The following UGT1A6 variants were observed in gnomAD, a reference collection of about 807,000 sequenced individuals.
The protein encoded by UGT1A6 is UDP-glucuronosyltransferase 1A6.
Under a neutral mutation model 44.4 loss-of-function variants are expected in UGT1A6, and 32 were observed. The observed-to-expected ratio is 0.72, with a 90% confidence interval of 0.54 to 0.97. The LOEUF is 0.97. Ranked by LOEUF, UGT1A6 falls within the 50% of genes least tolerant of loss-of-function variation. The pLI is 0.00. For missense variants in UGT1A6, 685 were observed against 661.9 expected (o/e 1.03, Z -0.38); for synonymous variants, 238 against 248.5 (o/e 0.96, Z 0.40).
intron 1 of UGT1A6, among the ~76,000 whole-genome samples, chr2:233,745,926 AAGGG>A (rs1399819653): frequency 2.0e-5 from 3 of 151,524 alleles, no homozygotes; most frequent in East Asian, 3.9e-4. Context: ...AGTGATTCAG[AAGGG>A]ACAGCTGGGG....
At position 233,769,757 on chromosome 2, in the gene UGT1A6, A is replaced by G; in HGVS notation, c.1301+1318A>G. 7.1e-7 allele frequency: 1 copy of G among 1,417,082 alleles called. No individual in the cohort carries two copies. Among genetic ancestry groups the G allele is most frequent in the Non-Finnish European group, 9.2e-7 (1 of 1,082,860 alleles). 87.8% of individuals were successfully genotyped at this position (1,417,082 alleles called of 1,614,324 possible). A position where few individuals can be genotyped will look rare whatever the true frequency, so the allele number is the denominator to read the frequency against. On this transcript the variant is annotated intron_variant, in intron 4 of 4. Coordinates refer to ENST00000305139, the MANE Select transcript of UGT1A6 (RefSeq NM_001072.4). The surrounding 1 kb of genome is among the most constrained non-coding windows in gnomAD (Gnocchi z 4.4). ...GTAGTCCCAGCCACTCTGGAGGCTA[A>G]GGCGGGAGGATTGCTTGAGCCCAGA...
chr2:233,709,104 A>G (rs28898589), intron 1 of UGT1A6, among the ~76,000 whole-genome samples: 3,803 of 152,176 alleles, frequency 0.025, 69 homozygotes, highest in South Asian at 0.043. Context: ...TCACATGCCC[A>G]TCTCTGAACT....
chr2:233,757,475 A>T (rs1291183794), intron 1 of UGT1A6, among the ~76,000 whole-genome samples: 1 of 148,302 alleles, frequency 6.7e-6, no homozygotes, highest in Non-Finnish European at 1.5e-5. Context: ...CTGTCTCCAA[A>T]ACCATGGACT....
chr2:233,710,278 C>T (rs1324621072), intron 1 of UGT1A6, among the ~76,000 whole-genome samples: 1 of 152,148 alleles, frequency 6.6e-6, no homozygotes, highest in Non-Finnish European at 1.5e-5. Context: ...TGGGTAAATA[C>T]TTAAAAGTGG....
chr2:233,762,717 G>GT lies in UGT1A6; in HGVS notation c.862-4305dup, dbSNP rs34681509. 2.7e-3 allele frequency among the ~76,000 whole-genome samples: 387 copies of GT among 141,006 alleles called. 1 individual carries two copies. The highest frequency in any genetic ancestry group is 0.012 in the Middle Eastern group (3 of 260). 92.5% of individuals were successfully genotyped at this position (141,006 alleles called of 152,430 possible). On this transcript the variant is annotated intron_variant, in intron 1 of 4. Coordinates refer to ENST00000305139, the MANE Select transcript of UGT1A6 (RefSeq NM_001072.4). ...CATCTTTTCTTAAGTATTTTACACG[G>GT]TTTTTTTTTTTTGGTCACTACTGTG...
At chr2:233,729,361 A>G (rs781679584) in intron 1 of UGT1A6, 50 of 1,613,972 alleles carry the variant, frequency 3.1e-5, no homozygotes, top group Non-Finnish European at 3.8e-5. Flanking sequence ...CACCCTGACA[A>G]CCTATGCCAT....
Position 233,712,926 on chromosome 2 carries a change from C to T in UGT1A6, c.861+19061C>T, listed in dbSNP as rs185804410. ...TGTCTCAGTGACAAGGTAATTAAGA[C>T]GAAGGAAACAATTCTAGGAGGCACA... On this transcript the variant is annotated intron_variant, in intron 1 of 4. Transcript: ENST00000305139. 3.1e-4 allele frequency: 497 copies of T among 1,611,970 alleles called. 2 individuals carry two copies. In the African/African-American group the frequency reaches 4.1e-3, roughly 13 times the overall value.
At chr2:233,754,297 C>G (rs1695445363) in intron 1 of UGT1A6, 1 of 235,612 alleles carries the variant, frequency 4.2e-6, no homozygotes, top group Non-Finnish European at 8.4e-6. Flanking sequence ...TGTCCTAGCA[C>G]TAGGAAATAA....
intron 1 of UGT1A6, 32 bp downstream of exon 1, chr2:233,693,897 G>C (rs901787042): frequency 6.2e-7 from 1 of 1,613,764 alleles, no homozygotes; most frequent in South Asian, 1.1e-5. Context: ...GGACTGCCTT[G>C]TTTCTTCCAG....
chr2:233,697,043 T>A (rs2075371432), intron 1 of UGT1A6, among the ~76,000 whole-genome samples: 2 of 152,186 alleles, frequency 1.3e-5, no homozygotes, highest in Non-Finnish European at 2.9e-5. Context: ...TTTTCTTTTT[T>A]TTTGTTGTGT....
chr2:233,764,014 A>C (rs28900399), intron 1 of UGT1A6, among the ~76,000 whole-genome samples: 1 of 152,334 alleles, frequency 6.6e-6, no homozygotes, highest in Non-Finnish European at 1.5e-5. Flanking sequence ...GATGACCCAC[A>C]TGGTGTCTAA....
intron 1 of UGT1A6, among the ~76,000 whole-genome samples, chr2:233,766,688 C>T (rs1199007770): frequency 2.6e-5 from 4 of 152,166 alleles, no homozygotes; most frequent in Admixed American, 6.5e-5. Context: ...TTCTGTATCA[C>T]TGATGCCTTG....
rs568014834 is a variant in UGT1A6, at chr2:233,720,430, C to T, written c.861+26565C>T. Among the ~76,000 whole-genome samples the T allele has an allele frequency of 5.5e-4, 84 of 151,958 alleles. 1 individual carries two copies. The highest frequency in any genetic ancestry group is 1.8e-3 in the African/African-American group (76 of 41,396). ...GAAGGGACTAGGGAGGAGATAAGAC[C>T]GTGAATCTATAAGCCCAGTGAAGCT... On this transcript the variant is annotated intron_variant, in intron 1 of 4. Coordinates refer to ENST00000305139, the MANE Select transcript of UGT1A6 (RefSeq NM_001072.4).
chr2:233,719,420 C>A (rs755279919), intron 1 of UGT1A6: 9 of 1,613,938 alleles, frequency 5.6e-6, no homozygotes, highest in Non-Finnish European at 6.8e-6. Flanking sequence ...TACTAACGAC[C>A]AATTCAGACC....
In UGT1A6 at chr2:233,767,846, C is replaced by G. The variant is rs1699507381; in HGVS notation, c.994-3C>G. The G allele has an allele frequency of 6.2e-7, 1 of 1,614,014 alleles. No individual in the cohort carries two copies. Among genetic ancestry groups the G allele is most frequent in the Non-Finnish European group, 8.5e-7 (1 of 1,180,026 alleles). ...TACGTTCTGCTCTTTTTGCCCCTCC[C>G]AGGTCCTGTGGCGGTACACTGGAAC... On this transcript the variant is annotated splice_region_variant and splice_polypyrimidine_tract_variant and intron_variant, in intron 2 of 4. Coordinates refer to ENST00000305139, the MANE Select transcript of UGT1A6 (RefSeq NM_001072.4).
In UGT1A6 at chr2:233,757,562, G is replaced by GTATATATATATATATATATATA. The variant is rs1491042837; in HGVS notation, c.862-9465_862-9464insATATATATATATATATATATAT. Among the ~76,000 whole-genome samples, 15 of 90,888 alleles carry GTATATATATATATATATATATA rather than the reference G, an allele frequency of 1.7e-4. 1 individual carries two copies. The highest frequency in any genetic ancestry group is 7.2e-4 in the African/African-American group (14 of 19,524). The allele number at this position is 90,888 out of a possible 152,430, so 59.6% of individuals were successfully genotyped here. On this transcript the variant is annotated intron_variant, in intron 1 of 4. Transcript: ENST00000305139. The stretch of plus-strand genomic sequence containing the variant: ...TATATATATATATATATATATATAT[G>GTATATATATATATATATATATA]TATATATGATATAGCTATAGTCTAA...
At chr2:233,736,597 C>G (rs1162489027) in intron 1 of UGT1A6, among the ~76,000 whole-genome samples, 1 of 152,166 alleles carries the variant, frequency 6.6e-6, no homozygotes, top group African/African-American at 2.4e-5. Flanking sequence ...TGCTTATGCG[C>G]TATGGTTTTT....
chr2:233,733,665 C>A (rs572113839), intron 1 of UGT1A6, among the ~76,000 whole-genome samples: 1 of 152,162 alleles, frequency 6.6e-6, no homozygotes, highest in Non-Finnish European at 1.5e-5. Context: ...CCGACTTGAT[C>A]GATGTGGATA....
rs879204025 is a variant in UGT1A6, at chr2:233,769,857, C to CAA, written c.1301+1434_1301+1435dup. On this transcript the variant is annotated intron_variant, in intron 4 of 4. Transcript: ENST00000305139. This position sits in a 1 kb window ranked among gnomAD's most constrained non-coding sequence, Gnocchi z 4.4. The stretch of plus-strand genomic sequence containing the variant: ...TGGGCAACAGAGTGAGACCCTGTCT[C>CAA]AAAAAAAAAAAAAAAAATGAAAAGT... The CAA allele has an allele frequency of 9.9e-3, 2,209 of 224,054 alleles. 3 individuals are homozygous for CAA. The highest frequency in any genetic ancestry group is 0.012 in the South Asian group (106 of 9,094). The allele number at this position is 224,054 out of a possible 1,614,324, so 13.9% of individuals were successfully genotyped here.
Sources: gnomAD v4.1 joint callset for allele counts (sites outside exome capture counted in the v4.1 genomes callset) on GRCh38, gnomAD v4.1.1 for gene constraint, Gnocchi (gnomAD v3.1) non-coding constraint, MANE v1.5 for transcripts, NCBI Gene and HGNC (gene_info 2026-07-23, HGNC 2026-07-21) for gene names.